The following VPS4A variants were observed in gnomAD, a reference collection of about 807,000 sequenced individuals.
VPS4A encodes the protein vacuolar protein sorting 4 homolog A, also known as vacuolar protein sorting-associated protein 4A.
A neutral mutation model predicts 52.3 loss-of-function variants in VPS4A; 20 were observed. The observed-to-expected ratio is 0.38, with a 90% confidence interval of 0.27 to 0.56. The LOEUF (loss-of-function observed/expected upper bound fraction) is 0.56. VPS4A is among the 20% of genes least tolerant of loss of function. The pLI, the probability that VPS4A is intolerant of heterozygous loss-of-function variation, is 0.72. For synonymous variants in VPS4A, 293 were observed against 227.7 expected (o/e 1.29, Z -2.58); for missense variants, 419 against 575.9 (o/e 0.73, Z 2.79).
At position 69,321,051 on chromosome 16, in the gene VPS4A, G is replaced by A. The variant is rs1176196924; in HGVS notation, c.852G>A (p.Arg284=). The part of the protein sequence containing the change: ...PWVLDSAIRR[R]FEKRIYIPLP... ...TCCTGCCGTGTGCTGGGCTCTCTAG[G>A]TTTGAAAAACGAATTTATATCCCCT... Residue 284 remains arginine (R), a splice_region_variant and synonymous_variant, in exon 9 of 11, where the codon AGG becomes AGA. Coordinates refer to ENST00000254950, the MANE Select transcript of VPS4A (RefSeq NM_013245.3). The surrounding 1 kb of genome is among the most constrained non-coding windows in gnomAD (Gnocchi z 4.5). The A allele has an allele frequency of 3.8e-6, 6 of 1,578,790 alleles. No individual in the cohort carries two copies. Among genetic ancestry groups the A allele is most frequent in the Non-Finnish European group, 5.2e-6 (6 of 1,161,974 alleles).
rs1965516230 is a variant in VPS4A, at chr16:69,321,804, A to T, written c.1071+534A>T. On this transcript the variant is annotated intron_variant, in intron 9 of 10. Coordinates refer to ENST00000254950, the MANE Select transcript of VPS4A (RefSeq NM_013245.3). This position sits in a 1 kb window ranked among gnomAD's most constrained non-coding sequence, Gnocchi z 4.5. Reference sequence around the variant, plus strand: ...GATGGAGATGGAGCAGGGTTAGGAGAGAGGTGTCTCGGGCATGGAGGGAAG... The same window carrying T: ...GATGGAGATGGAGCAGGGTTAGGAGTGAGGTGTCTCGGGCATGGAGGGAAG... The T allele has an allele frequency of 5.9e-6, 1 of 168,382 alleles. No homozygotes were observed. The highest frequency in any genetic ancestry group is 5.7e-5 in the Admixed American group (1 of 17,482). 10.4% of individuals were successfully genotyped at this position (168,382 alleles called of 1,614,324 possible). A position where few individuals can be genotyped will look rare whatever the true frequency, so the allele number is the denominator to read the frequency against.
rs1965505013 is a variant in VPS4A at position 69,321,154 on chromosome 16, A to G, written c.955A>G (p.Ile319Val). Reference sequence around the variant, plus strand: ...TCCCCACAACCTCACGGATGCAAACATCCACGAGCTGGCCCGGAAGACGGA... The same window carrying G: ...TCCCCACAACCTCACGGATGCAAACGTCCACGAGCTGGCCCGGAAGACGGA... ...STPHNLTDAN[I>V]HELARKTEGY... is the part of the protein sequence containing the mutation. The change falls in exon 9 of 11, where the codon ATC (isoleucine) becomes GTC (valine). Residue 319 changes from isoleucine (I) to valine (V), a missense_variant. Ile to Val is a conservative substitution (Grantham distance 29). This residue lies in a region of VPS4A where 185 missense variants were observed against 200.2 expected (regional missense o/e 0.92). Transcript: ENST00000254950. The surrounding 1 kb of genome is among the most constrained non-coding windows in gnomAD (Gnocchi z 4.5). 1 of 1,584,718 alleles carries G rather than the reference A, an allele frequency of 6.3e-7. No homozygotes were observed. The highest frequency in any genetic ancestry group is 8.6e-7 in the Non-Finnish European group (1 of 1,166,024).
In VPS4A at chr16:69,321,415, A is replaced by T; in HGVS notation, c.1071+145A>T. The stretch of plus-strand genomic sequence containing the variant: ...TCCTGGAGAGCCGAGGGCCAGTGCC[A>T]TGGGGGCTGCACCCACTGTCCCCTC... On this transcript the variant is annotated intron_variant, in intron 9 of 10. Coordinates refer to ENST00000254950, the MANE Select transcript of VPS4A (RefSeq NM_013245.3). This position sits in a 1 kb window ranked among gnomAD's most constrained non-coding sequence, Gnocchi z 4.5. 2 of 854,904 alleles carry T rather than the reference A, an allele frequency of 2.3e-6. No individual in the cohort carries two copies. Among genetic ancestry groups the T allele is most frequent in the Non-Finnish European group, 3.6e-6 (2 of 558,446 alleles). The allele number at this position is 854,904 out of a possible 1,614,324, so 53.0% of individuals were successfully genotyped here.
Position 69,320,313 on chromosome 16 carries a change from C to G in VPS4A, c.769+24C>G. The G allele has an allele frequency of 6.2e-7, 1 of 1,605,656 alleles. No homozygotes were observed. The highest frequency in any genetic ancestry group is 8.5e-7 in the Non-Finnish European group (1 of 1,173,286). On this transcript the variant is annotated intron_variant, in intron 7 of 10. Coordinates refer to ENST00000254950, the MANE Select transcript of VPS4A (RefSeq NM_013245.3). This position sits in a 1 kb window ranked among gnomAD's most constrained non-coding sequence, Gnocchi z 4.2. ...GGGTGTGTGCCGGGCCCAGGGCCCCCTTGGTTCTTGTTGCACCTGAAGCCA... is the reference window on the plus strand; with the variant it reads ...GGGTGTGTGCCGGGCCCAGGGCCCCGTTGGTTCTTGTTGCACCTGAAGCCA...
In VPS4A at chr16:69,318,887, G is replaced by C. The variant is rs1371906754; in HGVS notation, c.408G>C (p.Lys136Asn). 1 of 1,613,786 alleles carries C rather than the reference G, an allele frequency of 6.2e-7. No individual in the cohort carries two copies. Among genetic ancestry groups the C allele is most frequent in the Non-Finnish European group, 8.5e-7 (1 of 1,179,802 alleles). ...ACGTGGCCGGGCTGGAGGGGGCCAAGGAGGCCCTCAAAGAAGCTGTCATTT... is the reference window on the plus strand; with the variant it reads ...ACGTGGCCGGGCTGGAGGGGGCCAACGAGGCCCTCAAAGAAGCTGTCATTT... Reference protein sequence around the residue: ...WNDVAGLEGAKEALKEAVILP... With the variant: ...WNDVAGLEGANEALKEAVILP... The change falls in exon 5 of 11, where the codon AAG (lysine) becomes AAC (asparagine). Residue 136 changes from lysine to asparagine, a missense_variant. By Grantham distance (94) the Lys-to-Asn change is moderately conservative (BLOSUM62 0). This residue lies in a region of VPS4A where 103 missense variants were observed against 210.3 expected (regional missense o/e 0.49). Transcript: ENST00000254950.
chr16:69,315,111 A>G (rs1336680324), intron 1 of VPS4A, among the ~76,000 whole-genome samples: 1 of 152,098 alleles, frequency 6.6e-6, no homozygotes, highest in African/African-American at 2.4e-5. Context: ...GTGGGCATCT[A>G]TCACTTGAAC....
At position 69,324,449 on chromosome 16, in the gene VPS4A, A is replaced by T; in HGVS notation, c.*140A>T. On this transcript the variant is annotated 3_prime_UTR_variant, in exon 11 of 11. Transcript: ENST00000254950. ...TCCCTCTGCTGTCTGGCCGTCTGCC[A>T]GGGAGCCAGAAGGAAGGGCCTTGCA... 1 of 926,734 alleles carries T rather than the reference A, an allele frequency of 1.1e-6. No individual in the cohort carries two copies. Among genetic ancestry groups the T allele is most frequent in the Non-Finnish European group, 1.6e-6 (1 of 606,982 alleles). The allele number at this position is 926,734 out of a possible 1,614,324, so 57.4% of individuals were successfully genotyped here.
Position 69,320,339 on chromosome 16 carries a change from A to C in VPS4A, c.769+50A>C. ...TTGGTTCTTGTTGCACCTGAAGCCA[A>C]CCCTGGGCTTTATTCTGAGCTGCGG... On this transcript the variant is annotated intron_variant, in intron 7 of 10. Transcript: ENST00000254950. This position sits in a 1 kb window ranked among gnomAD's most constrained non-coding sequence, Gnocchi z 4.2. The C allele has an allele frequency of 6.3e-7, 1 of 1,596,028 alleles. No homozygotes were observed. The highest frequency in any genetic ancestry group is 8.6e-7 in the Non-Finnish European group (1 of 1,167,150).
In VPS4A at chr16:69,319,424, A is replaced by AC; in HGVS notation, c.506dup (p.Gly170TrpfsTer37). On this transcript the variant is annotated frameshift_variant, in exon 6 of 11. Transcript: ENST00000254950. LOFTEE classifies it high-confidence loss of function. ...CCTGGCGGGGGATTCTGCTGTTCGG[A>AC]CCCCCTGGCACAGGGAAATCCTACC... The AC allele has an allele frequency of 6.2e-7, 1 of 1,613,562 alleles. No homozygotes were observed. The highest frequency in any genetic ancestry group is 8.5e-7 in the Non-Finnish European group (1 of 1,179,792).
Position 69,321,604 on chromosome 16 carries a change from C to G in VPS4A, c.1071+334C>G. Reference sequence around the variant, plus strand: ...TGGAAAGTGTTGGATATAAAATGACCAGGAAGACCTGTCTATTCATTCAGC... The same window carrying G: ...TGGAAAGTGTTGGATATAAAATGACGAGGAAGACCTGTCTATTCATTCAGC... On this transcript the variant is annotated intron_variant, in intron 9 of 10. Coordinates refer to ENST00000254950, the MANE Select transcript of VPS4A (RefSeq NM_013245.3). This position sits in a 1 kb window ranked among gnomAD's most constrained non-coding sequence, Gnocchi z 4.5. The G allele has an allele frequency of 6.0e-6, 2 of 333,034 alleles. No individual in the cohort carries two copies. The highest frequency in any genetic ancestry group is 6.6e-5 in the East Asian group (1 of 15,052). 20.6% of individuals were successfully genotyped at this position (333,034 alleles called of 1,614,324 possible).
intron 10 of VPS4A, 23 bp downstream of exon 10, chr16:69,322,723 G>A: frequency 3.1e-6 from 5 of 1,607,946 alleles, no homozygotes; most frequent in South Asian, 1.1e-5. Context: ...ACAGGGGAGG[G>A]AAGAGGGCTG....
rs1208999634 is a variant in VPS4A, at chr16:69,320,347, C to T, written c.769+58C>T. 1 of 1,588,594 alleles carries T rather than the reference C, an allele frequency of 6.3e-7. No individual in the cohort carries two copies. Among genetic ancestry groups the T allele is most frequent in the Non-Finnish European group, 8.6e-7 (1 of 1,162,724 alleles). ...TGTTGCACCTGAAGCCAACCCTGGG[C>T]TTTATTCTGAGCTGCGGCTGGATTT... On this transcript the variant is annotated intron_variant, in intron 7 of 10. Transcript: ENST00000254950. The surrounding 1 kb of genome is among the most constrained non-coding windows in gnomAD (Gnocchi z 4.2).
At chr16:69,314,317 T>C (rs372847974) in intron 1 of VPS4A, among the ~76,000 whole-genome samples, 3 of 152,192 alleles carry the variant, frequency 2.0e-5, no homozygotes, top group South Asian at 4.2e-4. Flanking sequence ...AGGGAGGGGA[T>C]GGGTCAGTGC....
At chr16:69,316,975 C>T (rs1394812760) in intron 3 of VPS4A, among the ~76,000 whole-genome samples, 5 of 152,088 alleles carry the variant, frequency 3.3e-5, no homozygotes, top group East Asian at 1.9e-4. Context: ...TCGCCCACCA[C>T]GGTGATCCCA....
At chr16:69,323,817 G>A in intron 10 of VPS4A, 1 of 374,852 alleles carries the variant, frequency 2.7e-6, no homozygotes, top group Non-Finnish European at 5.3e-6. Flanking sequence ...ATGTGTGGTG[G>A]CACGTGCCTG....
chr16:69,317,378 C>T (rs577492739), intron 3 of VPS4A, among the ~76,000 whole-genome samples: 3 of 152,224 alleles, frequency 2.0e-5, no homozygotes, highest in Non-Finnish European at 4.4e-5. Context: ...GCTTCTGGTG[C>T]GGGGCATGGT....
chr16:69,317,761 C>A (rs1043035088), intron 3 of VPS4A, among the ~76,000 whole-genome samples: 38 of 151,952 alleles, frequency 2.5e-4, no homozygotes, highest in Admixed American at 1.7e-3. Context: ...CCACTACACT[C>A]CAGCCTGGGC....
rs1204447960 is a variant in VPS4A at position 69,318,944 on chromosome 16, T to C, written c.463+2T>C. ...TCAAATTCCCACACTTGTTCACAGG[T>C]GAGAGTTGAGCCATTTCAAACCCCA... On this transcript the variant is annotated splice_donor_variant, in intron 5 of 10. Coordinates refer to ENST00000254950, the MANE Select transcript of VPS4A (RefSeq NM_013245.3). LOFTEE classifies it high-confidence loss of function. 2 of 1,612,266 alleles carry C rather than the reference T, an allele frequency of 1.2e-6. No individual in the cohort carries two copies. Among genetic ancestry groups the C allele is most frequent in the Admixed American group, 3.3e-5 (2 of 59,858 alleles).
rs1965568528 is a variant in VPS4A, at chr16:69,324,957, C to G, written c.*648C>G. The G allele has an allele frequency of 6.5e-6, 1 of 153,078 alleles. No individual in the cohort carries two copies. The highest frequency in any genetic ancestry group is 1.5e-5 in the Non-Finnish European group (1 of 68,638). The allele number at this position is 153,078 out of a possible 1,614,324, so 9.5% of individuals were successfully genotyped here. On this transcript the variant is annotated 3_prime_UTR_variant, in exon 11 of 11. Coordinates refer to ENST00000254950, the MANE Select transcript of VPS4A (RefSeq NM_013245.3). ...GTGTTCACCACTGCCTTTTCTTCCT[C>G]TGAGCGTGAGAACACTGAACCCAGC...
Sources: allele counts gnomAD v4.1 joint callset (sites outside exome capture counted in the v4.1 genomes callset), GRCh38; gene constraint gnomAD v4.1.1; regional missense constraint gnomAD v4.1.1; non-coding constraint Gnocchi (gnomAD v3.1); transcripts MANE v1.5; gene names NCBI Gene and HGNC (gene_info 2026-07-23, HGNC 2026-07-21).